Variants in CA10 observed in about 807,000 individuals in gnomAD.
CA10 encodes carbonic anhydrase-related protein 10.
In CA10, 14 loss-of-function variants were observed where a neutral mutation model predicts 44.2. That is an observed-to-expected ratio of 0.32 (90% CI 0.21 to 0.50). The LOEUF (loss-of-function observed/expected upper bound fraction) is 0.50. CA10 is among the 20% of genes least tolerant of loss of function. CA10 has a pLI of 0.99. For synonymous variants in CA10, 159 were observed against 141.6 expected, an observed-to-expected ratio of 1.12 and a Z score of -0.87; for missense variants, 350 against 409.7, an observed-to-expected ratio of 0.85 and a Z score of 1.26.
At chr17:52,056,922 ATTG>A (rs1267649026) in intron 2 of CA10, among the ~76,000 whole-genome samples, 1 of 152,070 alleles carries the variant, frequency 6.6e-6, no homozygotes, top group Admixed American at 6.6e-5. Flanking sequence ...TCATAGTGCT[ATTG>A]TTTATTTTAT....
chr17:51,858,106 A>ATC (rs1438423865), intron 3 of CA10, among the ~76,000 whole-genome samples: 4 of 152,172 alleles, frequency 2.6e-5, no homozygotes, highest in Non-Finnish European at 5.9e-5. Context: ...CTCATTATAT[A>ATC]TCTCTCTGGG....
At chr17:52,131,649 T>G (rs1989242720) in intron 1 of CA10, among the ~76,000 whole-genome samples, 1 of 152,194 alleles carries the variant, frequency 6.6e-6, no homozygotes, top group Admixed American at 6.5e-5. Flanking sequence ...CTAAAATAGG[T>G]AGTCAGAATT....
At chr17:51,849,603 A>G (rs1270206138) in intron 3 of CA10, among the ~76,000 whole-genome samples, 1 of 152,168 alleles carries the variant, frequency 6.6e-6, no homozygotes, top group East Asian at 1.9e-4. Flanking sequence ...AATAAGGTCA[A>G]TACTACCAAA....
chr17:52,041,459 A>T (rs1177844663), intron 2 of CA10, among the ~76,000 whole-genome samples: 3 of 152,084 alleles, frequency 2.0e-5, no homozygotes, highest in Non-Finnish European at 4.4e-5. Flanking sequence ...ATAATTGACA[A>T]ATAAAAATTG....
chr17:52,056,377 G>T (rs1987231700), intron 2 of CA10, among the ~76,000 whole-genome samples: 1 of 152,038 alleles, frequency 6.6e-6, no homozygotes, highest in Non-Finnish European at 1.5e-5. Flanking sequence ...CATGAAGCGG[G>T]TTGGTGGGGA....
intron 2 of CA10, among the ~76,000 whole-genome samples, chr17:52,058,898 T>C (rs1408747355): frequency 3.3e-5 from 5 of 152,186 alleles, no homozygotes; most frequent in Non-Finnish European, 1.5e-5. Flanking sequence ...CTGCGAGCTC[T>C]TAAGATCAGG....
rs76409117 is a variant in CA10, at chr17:51,631,377, C to G, written c.*207G>C. 2.7e-5 allele frequency: 17 copies of G among 635,662 alleles called. No homozygotes were observed. The highest frequency in any genetic ancestry group is 1.6e-4 in the Admixed American group (6 of 36,918). 39.4% of individuals were successfully genotyped at this position (635,662 alleles called of 1,614,324 possible). On this transcript the variant is annotated 3_prime_UTR_variant, in exon 9 of 9. Transcript: ENST00000451037. ...ATGTGTTTGTATGTATGTGCAAGTG[C>G]TTGTGTGTGTGTTTGTGAGTATGTG...
At chr17:51,749,694 G>A (rs564292797) in intron 3 of CA10, among the ~76,000 whole-genome samples, 7 of 152,292 alleles carry the variant, frequency 4.6e-5, no homozygotes, top group African/African-American at 1.2e-4. Context: ...GAAACTCTCC[G>A]TTGAGTTCCT....
chr17:51,676,365 T>C lies in CA10; in HGVS notation c.466-22629A>G, dbSNP rs547878050. ...TGGGAATCTGTCACAGTTGTCCCTC[T>C]TGCTCACTTGCTCTTACTCCTCTAC... On this transcript the variant is annotated intron_variant, in intron 4 of 8. Coordinates refer to ENST00000451037, the MANE Select transcript of CA10 (RefSeq NM_020178.5). Among the ~76,000 whole-genome samples the C allele has an allele frequency of 2.0e-5, 3 of 152,314 alleles. No homozygotes were observed. In the East Asian group the frequency reaches 5.8e-4, roughly 29 times the overall value.
chr17:51,895,676 C>G (rs959979963), intron 3 of CA10, among the ~76,000 whole-genome samples: 9 of 151,866 alleles, frequency 5.9e-5, no homozygotes, highest in African/African-American at 2.2e-4. Flanking sequence ...AACCAAAATT[C>G]AAGATAATTT....
chr17:51,666,638 A>G (rs1239459357), intron 4 of CA10, among the ~76,000 whole-genome samples: 4 of 152,254 alleles, frequency 2.6e-5, no homozygotes, highest in South Asian at 4.1e-4. Flanking sequence ...TAATCCTGGA[A>G]TCATATCACT....
intron 6 of CA10, among the ~76,000 whole-genome samples, chr17:51,644,627 T>C (rs556571305): frequency 6.6e-6 from 1 of 152,256 alleles, no homozygotes; most frequent in South Asian, 2.1e-4. Flanking sequence ...TCAAAATTTC[T>C]GATTTCCTTC....
rs532975121 is a variant in CA10 at position 51,928,880 on chromosome 17, AGTTT to A, written c.279+2106_279+2109del. Among the ~76,000 whole-genome samples the A allele has an allele frequency of 1.9e-3, 282 of 152,338 alleles. 2 individuals carry two copies. The highest frequency in any genetic ancestry group is 3.4e-3 in the Middle Eastern group (1 of 294). On this transcript the variant is annotated intron_variant, in intron 3 of 8. Transcript: ENST00000451037. ...AAATTAAGGCATTTCATTACCAATT[AGTTT>A]ATCACGACCAACTATATTTTATTTT...
intron 3 of CA10, among the ~76,000 whole-genome samples, chr17:51,787,736 G>A (rs1299061684): frequency 1.3e-5 from 2 of 152,128 alleles, no homozygotes; most frequent in Non-Finnish European, 2.9e-5. Flanking sequence ...GACCTCAAGT[G>A]ATCCACCTCT....
At chr17:51,720,725 A>C (rs966840444) in intron 4 of CA10, among the ~76,000 whole-genome samples, 3 of 152,214 alleles carry the variant, frequency 2.0e-5, no homozygotes, top group African/African-American at 4.8e-5. Flanking sequence ...AGTGTCATAG[A>C]AACAGAGTAG....
At chr17:51,981,213 T>C (rs1984642482) in intron 2 of CA10, among the ~76,000 whole-genome samples, 1 of 151,980 alleles carries the variant, frequency 6.6e-6, no homozygotes, top group Non-Finnish European at 1.5e-5. Flanking sequence ...ACATAAAGAC[T>C]TGCACACAAA....
intron 4 of CA10, among the ~76,000 whole-genome samples, chr17:51,703,052 G>C (rs1409700101): frequency 6.6e-6 from 1 of 152,100 alleles, no homozygotes; most frequent in Non-Finnish European, 1.5e-5. Flanking sequence ...TGCCCGTTTA[G>C]CAGAGAAGGA....
At chr17:51,855,472 G>A (rs529356785) in intron 3 of CA10, among the ~76,000 whole-genome samples, 3 of 152,146 alleles carry the variant, frequency 2.0e-5, no homozygotes, top group East Asian at 1.9e-4. Context: ...TAGTATAGTC[G>A]ACCTAGGTGC....
intron 1 of CA10, among the ~76,000 whole-genome samples, chr17:52,092,086 T>C (rs1401550549): frequency 6.6e-6 from 1 of 152,218 alleles, no homozygotes; most frequent in Non-Finnish European, 1.5e-5. Context: ...TGTCTGTCTC[T>C]GTATTTGTCC....
Sources: gnomAD v4.1 joint callset for allele counts (sites outside exome capture counted in the v4.1 genomes callset) on GRCh38, gnomAD v4.1.1 for gene constraint, MANE v1.5 for transcripts, NCBI Gene and HGNC (gene_info 2026-07-23, HGNC 2026-07-21) for gene names.